Variants in PIK3IP1 observed in about 807,000 individuals in gnomAD.
PIK3IP1 encodes the protein phosphoinositide-3-kinase interacting protein 1.
Under a neutral mutation model 30.7 loss-of-function variants are expected in PIK3IP1, and 28 were observed. The observed-to-expected ratio is 0.91, with a 90% CI of 0.68 to 1.25. PIK3IP1 has a LOEUF of 1.25. Among genes scored for constraint, PIK3IP1 ranks in the 50% most tolerant of loss-of-function variants. The pLI is 0.00. For synonymous variants in PIK3IP1, 159 were observed against 140.8 expected, an observed-to-expected ratio of 1.13 and a Z score of -0.91; for missense variants, 333 against 346.2, an observed-to-expected ratio of 0.96 and a Z score of 0.30.
intron 4 of PIK3IP1, 50 bp from the exon 5 acceptor site, chr22:31,289,443 G>A: frequency 1.9e-6 from 3 of 1,563,472 alleles, no homozygotes; most frequent in Non-Finnish European, 1.7e-6. Flanking sequence ...TAGACAATCA[G>A]CAAATGACAT....
At position 31,292,341 on chromosome 22, in the gene PIK3IP1, G is replaced by A; in HGVS notation, c.4C>T (p.Leu2=). M[L]LAWVQAFLVS... ...AGGAATGCTTGTACCCAGGCCAACA[G>A]CATCCTTGCCTCCTTCGTCTTGCAG... The change falls in exon 1 of 6, where the codon CTG becomes TTG. Residue 2 remains leucine (L), a synonymous_variant. Transcript: ENST00000215912. The A allele has an allele frequency of 1.2e-6, 2 of 1,614,136 alleles. No individual in the cohort carries two copies. The highest frequency in any genetic ancestry group is 1.7e-6 in the Non-Finnish European group (2 of 1,179,976).
At chr22:31,288,467 G>C (rs1326395375) in intron 5 of PIK3IP1, among the ~76,000 whole-genome samples, 2 of 152,014 alleles carry the variant, frequency 1.3e-5, no homozygotes, top group African/African-American at 4.8e-5. Flanking sequence ...AGGCTACTGT[G>C]TCACTTTCCT....
intron 1 of PIK3IP1, 52 bp downstream of exon 1, chr22:31,292,223 T>C: frequency 6.4e-7 from 1 of 1,563,504 alleles, no homozygotes; most frequent in South Asian, 1.1e-5. Context: ...TAGGGGGCTT[T>C]ACCCCTTCTG....
At position 31,282,501 on chromosome 22, in the gene PIK3IP1, G is replaced by A. The variant is rs1308585972; in HGVS notation, c.*583C>T. The A allele has an allele frequency of 6.5e-6, 1 of 152,930 alleles. No individual in the cohort carries two copies. The highest frequency in any genetic ancestry group is 2.4e-5 in the African/African-American group (1 of 41,442). 9.5% of individuals were successfully genotyped at this position (152,930 alleles called of 1,614,324 possible). On this transcript the variant is annotated 3_prime_UTR_variant, in exon 6 of 6. Coordinates refer to ENST00000215912, the MANE Select transcript of PIK3IP1 (RefSeq NM_052880.5). ...CCCACGGTTGTCAAGGCACATCATT[G>A]CCAGCAAGCTGAAGCATACCAGCAG...
chr22:31,285,467 G>T (rs191468103), intron 5 of PIK3IP1, among the ~76,000 whole-genome samples: 1 of 152,230 alleles, frequency 6.6e-6, no homozygotes, highest in East Asian at 1.9e-4. Context: ...GGCAGAGCTG[G>T]GATTTGAACC....
At chr22:31,290,830 C>G (rs1258578986) in intron 3 of PIK3IP1, 135 bp downstream of exon 3, 2 of 1,293,554 alleles carry the variant, frequency 1.5e-6, no homozygotes, top group Non-Finnish European at 2.0e-6. Context: ...GGCCTGGAGA[C>G]AGCCCTGGCC....
rs765969686 is a variant in PIK3IP1 at position 31,290,969 on chromosome 22, A to AC, written c.302dup (p.Cys101TrpfsTer21). On this transcript the variant is annotated frameshift_variant, in exon 3 of 6. Transcript: ENST00000215912. LOFTEE classifies it high-confidence loss of function. ...CCCGGGGTCCCGGGCAGGTACCTGG[A>AC]CAGCGCAGGTCCTCGCAAGGCCGTT... 1.2e-6 allele frequency: 2 copies of AC among 1,600,736 alleles called. No homozygotes were observed. Among genetic ancestry groups the AC allele is most frequent in the Non-Finnish European group, 1.7e-6 (2 of 1,175,500 alleles).
rs1207605291 is a variant in PIK3IP1 at position 31,283,084 on chromosome 22, T to G, written c.792A>C (p.Ter264CysextTer106). The change falls in exon 6 of 6, where the codon TGA becomes TGC. Residue 264 changes from the stop codon to cysteine, a stop_lost. Transcript: ENST00000215912. ...ATGGGCTCCTGCCCACTGGGGGGGC[T>G]CAGGCCCCAGGAGTCCCGGCCTGGC... The part of the protein sequence containing the change: ...LMGQAGTPGA[*>C] The G allele has an allele frequency of 1.9e-5, 30 of 1,588,260 alleles. No homozygotes were observed. Among genetic ancestry groups the G allele is most frequent in the Non-Finnish European group, 2.5e-5 (29 of 1,166,932 alleles).
At chr22:31,289,438 A>C in intron 4 of PIK3IP1, 45 bp from the exon 5 acceptor site, 1 of 1,567,596 alleles carries the variant, frequency 6.4e-7, no homozygotes, top group South Asian at 1.2e-5. Flanking sequence ...CACCCTAGAC[A>C]ATCAGCAAAT....
chr22:31,289,462 G>A (rs774828785), intron 4 of PIK3IP1, 37 bp downstream of exon 4: 2 of 1,551,830 alleles, frequency 1.3e-6, no homozygotes, highest in African/African-American at 2.7e-5. Context: ...ATCTCTTGAT[G>A]AATCCCAACG....
chr22:31,283,523 T>A (rs1247867335), intron 5 of PIK3IP1, among the ~76,000 whole-genome samples: 1 of 151,802 alleles, frequency 6.6e-6, no homozygotes, highest in Non-Finnish European at 1.5e-5. Flanking sequence ...ATCTGTAAAA[T>A]AGGGTGACAG....
At chr22:31,289,794 G>GTGA in intron 3 of PIK3IP1, 95 bp from the exon 4 acceptor site, 1 of 1,344,762 alleles carries the variant, frequency 7.4e-7, no homozygotes, top group African/African-American at 1.5e-5. Context: ...ATGAAGGTGG[G>GTGA]TCACCTAAGA....
Position 31,285,978 on chromosome 22 carries a change from G to A in PIK3IP1, c.588-2690C>T, listed in dbSNP as rs147534458. 4.0e-3 allele frequency among the ~76,000 whole-genome samples: 613 copies of A among 152,218 alleles called. 4 individuals are homozygous for A. The highest frequency in any genetic ancestry group is 0.014 in the South Asian group (66 of 4,818). On this transcript the variant is annotated intron_variant, in intron 5 of 5. Transcript: ENST00000215912. ...GCCTGAGGTTAGAAGTTCAAGACCA[G>A]CCTGGCCAACATGGTGAAACCCCGT...
rs2049101441 is a variant in PIK3IP1 at position 31,283,063 on chromosome 22, G to T, written c.*21C>A. The T allele has an allele frequency of 6.4e-7, 1 of 1,561,232 alleles. No homozygotes were observed. The highest frequency in any genetic ancestry group is 1.3e-5 in the African/African-American group (1 of 74,096). On this transcript the variant is annotated 3_prime_UTR_variant, in exon 6 of 6. Transcript: ENST00000215912. ...CTGTCCTGCACCAGTGTCTGCATGG[G>T]CTCCTGCCCACTGGGGGGGCTCAGG...
rs1569009552 is a variant in PIK3IP1, at chr22:31,282,679, A to G, written c.*405T>C. ...TCCCTTGACCTGCTTTACCTTAACC[A>G]TGAATAACAGTGTATGCCACTCAAG... On this transcript the variant is annotated 3_prime_UTR_variant, in exon 6 of 6. Transcript: ENST00000215912. 5.6e-6 allele frequency: 1 copy of G among 177,026 alleles called. No homozygotes were observed. The highest frequency in any genetic ancestry group is 1.2e-5 in the Non-Finnish European group (1 of 82,398). 11.0% of individuals were successfully genotyped at this position (177,026 alleles called of 1,614,324 possible). A position where few individuals can be genotyped will look rare whatever the true frequency, so the allele number is the denominator to read the frequency against.
At chr22:31,291,322 A>C in intron 1 of PIK3IP1, 26 bp from the exon 2 acceptor site, 1 of 1,549,850 alleles carries the variant, frequency 6.5e-7, no homozygotes, top group Non-Finnish European at 8.7e-7. Flanking sequence ...GCCCCCGGAC[A>C]CAGAATAGCG....
rs1359212588 is a variant in PIK3IP1 at position 31,282,637 on chromosome 22, A to G, written c.*447T>C. ...ATCCCAAATATTTTAAAAACTAAAT[A>G]TATTTTTTCAATGCCATCCCTTGAC... is the stretch of plus-strand genomic sequence containing the variant. On this transcript the variant is annotated 3_prime_UTR_variant, in exon 6 of 6. Coordinates refer to ENST00000215912, the MANE Select transcript of PIK3IP1 (RefSeq NM_052880.5). The G allele has an allele frequency of 2.5e-5, 4 of 157,716 alleles. No individual in the cohort carries two copies. Among genetic ancestry groups the G allele is most frequent in the African/African-American group, 4.8e-5 (2 of 41,564 alleles). The allele number at this position is 157,716 out of a possible 1,614,324, so 9.8% of individuals were successfully genotyped here.
chr22:31,292,029 C>T (rs1393823489), intron 1 of PIK3IP1, among the ~76,000 whole-genome samples: 1 of 152,176 alleles, frequency 6.6e-6, no homozygotes. Context: ...GAGATGAACC[C>T]CCAAGCTCCA....
intron 2 of PIK3IP1, 30 bp downstream of exon 2, chr22:31,291,150 C>A: frequency 6.5e-7 from 1 of 1,539,064 alleles, no homozygotes; most frequent in Non-Finnish European, 8.7e-7. Flanking sequence ...CGCCCGCCAG[C>A]CCCGGGGCCG....
Sources: allele counts gnomAD v4.1 joint callset (sites outside exome capture counted in the v4.1 genomes callset), GRCh38; gene constraint gnomAD v4.1.1; transcripts MANE v1.5; gene names NCBI Gene and HGNC (gene_info 2026-07-23, HGNC 2026-07-21).